TAF5L: variants seen among roughly 807,000 people sequenced by gnomAD.
The protein encoded by TAF5L is TAF5-like RNA polymerase II p300/CBP-associated factor-associated factor 65 kDa subunit 5L.
In TAF5L, 7 loss-of-function variants were observed where a neutral mutation model predicts 51.3. That is an observed-to-expected ratio of 0.14 (90% CI 0.08 to 0.26). The LOEUF (loss-of-function observed/expected upper bound fraction) is 0.26. TAF5L is among the 10% of genes least tolerant of loss of function. The pLI, the probability that TAF5L is intolerant of heterozygous loss-of-function variation, is 1.00. For missense variants in TAF5L, 575 were observed against 758.9 expected (o/e 0.76, Z 2.85); for synonymous variants, 291 against 308.1 (o/e 0.94, Z 0.58).
intron 2 of TAF5L, among the ~76,000 whole-genome samples, chr1:229,610,733 C>A (rs868098295): frequency 6.6e-6 from 1 of 152,122 alleles, no homozygotes; most frequent in African/African-American, 2.4e-5. Context: ...TACTCCATTT[C>A]TTTGTCTTTT....
chr1:229,602,031 C>T lies in TAF5L; in HGVS notation c.972+164G>A. 1 of 1,456,986 alleles carries T rather than the reference C, an allele frequency of 6.9e-7. No individual in the cohort carries two copies. Among genetic ancestry groups the T allele is most frequent in the Non-Finnish European group, 9.0e-7 (1 of 1,106,830 alleles). The allele number at this position is 1,456,986 out of a possible 1,614,324, so 90.3% of individuals were successfully genotyped here. Reference sequence around the variant, plus strand: ...AATTGTTTTTGCATCTTAGGTTAGGCATGTGCAGGAATTCAATGGCTACAG... The same window carrying T: ...AATTGTTTTTGCATCTTAGGTTAGGTATGTGCAGGAATTCAATGGCTACAG... On this transcript the variant is annotated intron_variant, in intron 4 of 4. Transcript: ENST00000258281. The surrounding 1 kb of genome is among the most constrained non-coding windows in gnomAD (Gnocchi z 4.6).
In TAF5L at chr1:229,594,319, G is replaced by T. The variant is rs373793384; in HGVS notation, c.1748C>A (p.Thr583Lys). 45 of 1,608,736 alleles carry T rather than the reference G, an allele frequency of 2.8e-5. No homozygotes were observed. Among genetic ancestry groups the T allele is most frequent in the Middle Eastern group, 1.8e-4 (1 of 5,678 alleles). ...AAATTAATGTTCCTGATTTTCTTGT[G>T]TAATTCCAGTCACCAGAAGAAGGTT... Residue 583 changes from threonine to lysine, a missense_variant, in exon 5 of 5, where the codon ACA becomes AAA. This residue lies in a region of TAF5L where 91 missense variants were observed against 96.9 expected (regional missense o/e 0.94). Coordinates refer to ENST00000258281, the Ensembl canonical transcript of TAF5L. This position sits in a 1 kb window ranked among gnomAD's most constrained non-coding sequence, Gnocchi z 7.9.
chr1:229,622,860 C>T (rs909340708), intron 1 of TAF5L, among the ~76,000 whole-genome samples: 4 of 152,192 alleles, frequency 2.6e-5, no homozygotes, highest in East Asian at 1.9e-4. Flanking sequence ...AGTGATCCTC[C>T]GAAAGTGCTG....
chr1:229,596,872 C>T (rs1309214228), intron 4 of TAF5L, among the ~76,000 whole-genome samples: 1 of 151,836 alleles, frequency 6.6e-6, no homozygotes, highest in Non-Finnish European at 1.5e-5. Flanking sequence ...AAAAGGGCAC[C>T]TTTTTTTTCT....
At chr1:229,605,128 A>ATATATATATATATATATATTTT (rs1340196774) in intron 3 of TAF5L, among the ~76,000 whole-genome samples, 1 of 145,098 alleles carries the variant, frequency 6.9e-6, no homozygotes, top group African/African-American at 2.6e-5. Context: ...ATATATATGT[A>ATATATATATATATATATATTTT]TTTTTTTTTT....
intron 4 of TAF5L, 29 bp from the exon 5 acceptor site, chr1:229,595,123 G>T: frequency 6.5e-7 from 1 of 1,537,766 alleles, no homozygotes; most frequent in Non-Finnish European, 8.8e-7. Flanking sequence ...GGTGGGAAAA[G>T]AAACACACAC....
Position 229,602,039 on chromosome 1 carries a change from G to A in TAF5L, c.972+156C>T. 2.7e-6 allele frequency: 4 copies of A among 1,468,928 alleles called. No homozygotes were observed. The highest frequency in any genetic ancestry group is 2.7e-6 in the Non-Finnish European group (3 of 1,112,644). The allele number at this position is 1,468,928 out of a possible 1,614,324, so 91.0% of individuals were successfully genotyped here. A position where few individuals can be genotyped will look rare whatever the true frequency, so the allele number is the denominator to read the frequency against. ...TTGCATCTTAGGTTAGGCATGTGCA[G>A]GAATTCAATGGCTACAGGTAACATG... On this transcript the variant is annotated intron_variant, in intron 4 of 4. Coordinates refer to ENST00000258281, the Ensembl canonical transcript of TAF5L. This position sits in a 1 kb window ranked among gnomAD's most constrained non-coding sequence, Gnocchi z 4.6.
At chr1:229,624,715 A>G (rs1665364261) in intron 1 of TAF5L, among the ~76,000 whole-genome samples, 1 of 152,174 alleles carries the variant, frequency 6.6e-6, no homozygotes, top group South Asian at 2.1e-4. Context: ...TCCTAGGTCT[A>G]CTGTCACCAA....
At chr1:229,620,919 GTACAT>G (rs1665175816) in intron 1 of TAF5L, among the ~76,000 whole-genome samples, 1 of 152,046 alleles carries the variant, frequency 6.6e-6, no homozygotes, top group Non-Finnish European at 1.5e-5. Flanking sequence ...TTCAAATGCA[GTACAT>G]GAGGATTTGA....
rs868726193 is a variant in TAF5L, at chr1:229,610,310, G to A, written c.143-100C>T. The A allele has an allele frequency of 1.2e-5, 13 of 1,050,278 alleles. 1 individual carries two copies. The highest frequency in any genetic ancestry group is 4.1e-4 in the Middle Eastern group (2 of 4,850). The allele number at this position is 1,050,278 out of a possible 1,614,324, so 65.1% of individuals were successfully genotyped here. A position where few individuals can be genotyped will look rare whatever the true frequency, so the allele number is the denominator to read the frequency against. ...GTGAAGGAGGGTGTTGTGCACACACGCACAGCAACTGACATTTCAGCAGGT... is the reference window on the plus strand; with the variant it reads ...GTGAAGGAGGGTGTTGTGCACACACACACAGCAACTGACATTTCAGCAGGT... On this transcript the variant is annotated intron_variant, in intron 2 of 4. Coordinates refer to ENST00000258281, the Ensembl canonical transcript of TAF5L.
intron 2 of TAF5L, among the ~76,000 whole-genome samples, chr1:229,612,913 G>A (rs1322135328): frequency 6.6e-6 from 1 of 152,140 alleles, no homozygotes; most frequent in African/African-American, 2.4e-5. Flanking sequence ...GGGCTGAGCT[G>A]CAGAAATCAC....
At chr1:229,611,837 A>G (rs1664803951) in intron 2 of TAF5L, among the ~76,000 whole-genome samples, 1 of 152,206 alleles carries the variant, frequency 6.6e-6, no homozygotes, top group Non-Finnish European at 1.5e-5. Context: ...TTCCCTGGTA[A>G]ACATCTAATG....
chr1:229,599,660 T>C (rs541074641), intron 4 of TAF5L: 43 of 251,900 alleles, frequency 1.7e-4, no homozygotes, highest in African/African-American at 9.9e-4. Flanking sequence ...ATGCACACAC[T>C]ACATTTTATT....
intron 3 of TAF5L, among the ~76,000 whole-genome samples, 185 bp from the exon 4 acceptor site, chr1:229,603,104 A>G (rs1161710773): frequency 1.3e-5 from 2 of 152,232 alleles, no homozygotes; most frequent in South Asian, 2.1e-4. Context: ...TTGAAGAAAG[A>G]GCATGAACTC....
At chr1:229,607,226 G>C (rs16850002) in intron 3 of TAF5L, 332,129 of 985,036 alleles carry the variant, frequency 0.34, 57,519 homozygotes, top group South Asian at 0.42. Flanking sequence ...TTCCACCTTG[G>C]TAATTTAACT....
intron 4 of TAF5L, chr1:229,600,547 C>CGACTA (rs1301429172): frequency 2.0e-6 from 2 of 985,380 alleles, no homozygotes; most frequent in Non-Finnish European, 2.4e-6. Context: ...CTTCTCTAGT[C>CGACTA]CATCCATGTC....
chr1:229,600,731 GATACCCGGAA>G, intron 4 of TAF5L: 1 of 985,360 alleles, frequency 1.0e-6, no homozygotes, highest in Non-Finnish European at 1.2e-6. Flanking sequence ...ATACACTTCT[GATACCCGGAA>G]ATAAACATAG....
Position 229,625,666 on chromosome 1 carries a change from C to T in TAF5L, c.-4+219G>A, listed in dbSNP as rs1256280414. Among the ~76,000 whole-genome samples, 1 of 150,020 alleles carries T rather than the reference C, an allele frequency of 6.7e-6. No homozygotes were observed. The highest frequency in any genetic ancestry group is 1.5e-5 in the Non-Finnish European group (1 of 67,326). ...TGCAGGCCACGCCGCCGGCCGCAGC[C>T]CGGGACTCGGGAGGCCGAGGGCGGA... On this transcript the variant is annotated intron_variant, in intron 1 of 4. Transcript: ENST00000258281. The surrounding 1 kb of genome is among the most constrained non-coding windows in gnomAD (Gnocchi z 4.0).
At chr1:229,613,892 T>C (rs1664877292) in intron 2 of TAF5L, among the ~76,000 whole-genome samples, 1 of 152,164 alleles carries the variant, frequency 6.6e-6, no homozygotes, top group Non-Finnish European at 1.5e-5. Flanking sequence ...ATAATAATAA[T>C]ATTTCCAACT....
Sources: gnomAD v4.1 joint callset for allele counts (sites outside exome capture counted in the v4.1 genomes callset) on GRCh38, gnomAD v4.1.1 for gene constraint, gnomAD v4.1.1 regional missense constraint, Gnocchi (gnomAD v3.1) non-coding constraint, MANE v1.5 for transcripts, NCBI Gene and HGNC (gene_info 2026-07-23, HGNC 2026-07-21) for gene names.